GIGYF2: variants seen among roughly 807,000 people sequenced by gnomAD.
The protein encoded by GIGYF2 is GRB10 interacting GYF protein 2.
Under a neutral mutation model 208.1 loss-of-function variants are expected in GIGYF2, and 25 were observed. That is an observed-to-expected ratio of 0.12 (90% CI 0.09 to 0.17). The LOEUF is 0.17. Among genes scored for constraint, GIGYF2 ranks in the 10% least tolerant of loss-of-function variants. The probability of loss-of-function intolerance (pLI) is 1.00; values close to 1 mark genes in which losing one functional copy is unlikely to be tolerated. For missense variants in GIGYF2, 1,302 were observed against 1,579.4 expected (o/e 0.82, Z 2.98); for synonymous variants, 534 against 543.8 (o/e 0.98, Z 0.25).
chr2:232,740,567 G>A (rs1405020439), intron 3 of GIGYF2, among the ~76,000 whole-genome samples: 2 of 152,074 alleles, frequency 1.3e-5, no homozygotes, highest in Admixed American at 6.5e-5. Flanking sequence ...ATATATTTGC[G>A]CCTTGCCCAA....
At chr2:232,774,726 A>G (rs1276297857) in intron 8 of GIGYF2, among the ~76,000 whole-genome samples, 3 of 152,136 alleles carry the variant, frequency 2.0e-5, no homozygotes, top group Admixed American at 1.3e-4. Flanking sequence ...TGCTTGTTCC[A>G]CATTTGGAGC....
rs113752189 is a variant in GIGYF2, at chr2:232,714,790, C to CT, written c.-44+11312dup. Among the ~76,000 whole-genome samples, 825 of 147,298 alleles carry CT rather than the reference C, an allele frequency of 5.6e-3. 11 individuals are homozygous for CT. Among genetic ancestry groups the CT allele is most frequent in the African/African-American group, 0.019 (756 of 40,530 alleles). On this transcript the variant is annotated intron_variant, in intron 2 of 28. Transcript: ENST00000373563. ...TGGAAATCATATTTAGGTCTGGCAT[C>CT]TTTTTTTTTTTCCTATTTTAATACT...
intron 2 of GIGYF2, among the ~76,000 whole-genome samples, chr2:232,714,870 G>C (rs909286033): frequency 3.9e-5 from 6 of 152,048 alleles, no homozygotes; most frequent in African/African-American, 1.4e-4. Flanking sequence ...GTGTGTCATG[G>C]GGGTTTGTGG....
At chr2:232,834,239 A>G (rs1389005707) in intron 22 of GIGYF2, among the ~76,000 whole-genome samples, 1 of 152,180 alleles carries the variant, frequency 6.6e-6, no homozygotes, top group African/African-American at 2.4e-5. Flanking sequence ...ACAGGCAAGT[A>G]GAATACAGTA....
intron 8 of GIGYF2, chr2:232,771,408 TAACTGTTTTATAGTTA>T (rs1443508369): frequency 7.2e-7 from 1 of 1,389,174 alleles, no homozygotes; most frequent in Non-Finnish European, 1.0e-6. Context: ...AGTAAGCTCT[TAACTGTTTTATAGTTA>T]ATGTTTGTGA....
At chr2:232,727,163 A>G (rs565612866) in intron 2 of GIGYF2, among the ~76,000 whole-genome samples, 10 of 152,118 alleles carry the variant, frequency 6.6e-5, no homozygotes, top group Non-Finnish European at 1.5e-4. Context: ...ACAGGGTTTC[A>G]CTATATTGGC....
rs78060996 is a variant in GIGYF2 at position 232,832,965 on chromosome 2, G to C, written c.2638G>C (p.Glu880Gln). 6.4e-7 allele frequency: 1 copy of C among 1,574,284 alleles called. No individual in the cohort carries two copies. The highest frequency in any genetic ancestry group is 1.3e-5 in the African/African-American group (1 of 74,170). The change falls in exon 22 of 29, where the codon GAA becomes CAA. Residue 880 changes from glutamate to glutamine, a missense_variant. This residue lies in a region of GIGYF2 where 701 missense variants were observed against 793.0 expected (regional missense o/e 0.88). Coordinates refer to ENST00000373563, the MANE Select transcript of GIGYF2 (RefSeq NM_001103146.3). ...GGCAGCCAGACTCCGGCATGAGGAA[G>C]AAGAACGGAAGAGAAAGGAGCTGGA... ...EEAARLRHEE[E>Q]ERKRKELEVQ... is the part of the protein sequence containing the mutation.
chr2:232,738,177 A>G (rs1452906538), intron 3 of GIGYF2, among the ~76,000 whole-genome samples: 1 of 152,050 alleles, frequency 6.6e-6, no homozygotes, highest in Non-Finnish European at 1.5e-5. Context: ...TTGTCCTCCC[A>G]AAGTGCTGGG....
intron 20 of GIGYF2, among the ~76,000 whole-genome samples, chr2:232,818,992 T>G (rs1321943013): frequency 1.3e-5 from 2 of 152,088 alleles, no homozygotes; most frequent in African/African-American, 2.4e-5. Flanking sequence ...TTTTTCTTTT[T>G]TTGTTGTTGG....
rs568213039 is a variant in GIGYF2, at chr2:232,729,908, A to G, written c.-43-5247A>G. 1.9e-4 allele frequency: 138 copies of G among 737,344 alleles called. 1 individual carries two copies. The highest frequency in any genetic ancestry group is 1.4e-4 in the Non-Finnish European group (57 of 396,178). 45.7% of individuals were successfully genotyped at this position (737,344 alleles called of 1,614,324 possible). A position where few individuals can be genotyped will look rare whatever the true frequency, so the allele number is the denominator to read the frequency against. ...CTCCAAAGAGATCAATGTCATCATC[A>G]TCTTTACTATCTTTAGCTCCTCTTC... On this transcript the variant is annotated intron_variant, in intron 2 of 28. Coordinates refer to ENST00000373563, the MANE Select transcript of GIGYF2 (RefSeq NM_001103146.3).
At chr2:232,743,543 G>C (rs67013068) in intron 3 of GIGYF2, among the ~76,000 whole-genome samples, 50,808 of 151,818 alleles carry the variant, frequency 0.33, 8,760 homozygotes, top group South Asian at 0.62. Flanking sequence ...GTGGTTTTTC[G>C]TGCTCCTCTC....
At chr2:232,801,678 T>A (rs1700404526) in intron 14 of GIGYF2, among the ~76,000 whole-genome samples, 1 of 152,240 alleles carries the variant, frequency 6.6e-6, no homozygotes, top group African/African-American at 2.4e-5. Flanking sequence ...AAGAGTACAA[T>A]ACATTGTTAA....
At chr2:232,845,647 G>T in intron 25 of GIGYF2, 85 bp from the exon 26 acceptor site, 1 of 1,211,016 alleles carries the variant, frequency 8.3e-7, no homozygotes, top group Non-Finnish European at 1.2e-6. Context: ...ATCCAGTATT[G>T]CCAAGACATT....
At chr2:232,753,100 T>TG (rs1698395432) in intron 5 of GIGYF2, among the ~76,000 whole-genome samples, 1 of 108,146 alleles carries the variant, frequency 9.2e-6, no homozygotes, top group Non-Finnish European at 1.8e-5. Context: ...CTTGACAGTA[T>TG]TTATTTATTT....
At chr2:232,770,279 C>G (rs758547257) in intron 8 of GIGYF2, among the ~76,000 whole-genome samples, 1 of 152,198 alleles carries the variant, frequency 6.6e-6, no homozygotes, top group Non-Finnish European at 1.5e-5. Context: ...AAAAAGGGCA[C>G]TAGTCCTCCT....
intron 2 of GIGYF2, among the ~76,000 whole-genome samples, chr2:232,719,818 C>T (rs186744641): frequency 2.6e-4 from 39 of 152,034 alleles, no homozygotes; most frequent in African/African-American, 7.7e-4. Context: ...GGTATTATTG[C>T]ATAAGGAATA....
chr2:232,844,274 G>C lies in GIGYF2; in HGVS notation c.3099+19G>C. On this transcript the variant is annotated intron_variant, in intron 24 of 28. Coordinates refer to ENST00000373563, the MANE Select transcript of GIGYF2 (RefSeq NM_001103146.3). ...CAATACGGTGTGTGCATTTTCCTAAGCTGTCGTTGTATGGACTAGTATTAT... is the reference window on the plus strand; with the variant it reads ...CAATACGGTGTGTGCATTTTCCTAACCTGTCGTTGTATGGACTAGTATTAT... 1 of 1,602,640 alleles carries C rather than the reference G, an allele frequency of 6.2e-7. No homozygotes were observed. The highest frequency in any genetic ancestry group is 1.7e-5 in the Admixed American group (1 of 57,850).
intron 8 of GIGYF2, among the ~76,000 whole-genome samples, chr2:232,782,067 T>A (rs1253077487): frequency 6.6e-6 from 1 of 152,222 alleles, no homozygotes; most frequent in Non-Finnish European, 1.5e-5. Flanking sequence ...TCAGGTGCTA[T>A]GTCTCAGCCT....
intron 5 of GIGYF2, among the ~76,000 whole-genome samples, chr2:232,755,752 G>A (rs1259128760): frequency 3.3e-5 from 5 of 152,166 alleles, no homozygotes; most frequent in South Asian, 4.1e-4. Context: ...ACTACTTGGA[G>A]TTGCTAATTC....
Sources: gnomAD v4.1 joint callset for allele counts (sites outside exome capture counted in the v4.1 genomes callset) on GRCh38, gnomAD v4.1.1 for gene constraint, gnomAD v4.1.1 regional missense constraint, MANE v1.5 for transcripts, NCBI Gene and HGNC (gene_info 2026-07-23, HGNC 2026-07-21) for gene names.